Variants in KLHL1 observed in about 807,000 individuals in gnomAD.
KLHL1 encodes the protein kelch-like protein 1.
In KLHL1, 47 loss-of-function variants were observed where a neutral mutation model predicts 77.7. The observed-to-expected ratio is 0.60, with a 90% CI of 0.48 to 0.77. The LOEUF (loss-of-function observed/expected upper bound fraction) is 0.77. Among genes scored for constraint, KLHL1 ranks in the 30% least tolerant of loss-of-function variants. The probability of loss-of-function intolerance (pLI) is 0.00; values close to 1 mark genes in which losing one functional copy is unlikely to be tolerated. For synonymous variants in KLHL1, 360 were observed against 325.2 expected, an observed-to-expected ratio of 1.11 and a Z score of -1.15; for missense variants, 925 against 910.8, an observed-to-expected ratio of 1.02 and a Z score of -0.20.
intron 1 of KLHL1, among the ~76,000 whole-genome samples, chr13:70,026,775 A>G (rs767043362): frequency 6.6e-5 from 10 of 151,708 alleles, no homozygotes; most frequent in Non-Finnish European, 1.5e-4. Context: ...AGAGAGAGAT[A>G]ATGCAAATGA....
At chr13:70,067,273 T>G (rs977388803) in intron 1 of KLHL1, among the ~76,000 whole-genome samples, 5 of 152,266 alleles carry the variant, frequency 3.3e-5, no homozygotes, top group African/African-American at 1.2e-4. Context: ...TTATTGTATG[T>G]AATACATTGA....
At chr13:69,854,712 T>C (rs1396166874) in intron 5 of KLHL1, among the ~76,000 whole-genome samples, 1 of 152,120 alleles carries the variant, frequency 6.6e-6, no homozygotes, top group Non-Finnish European at 1.5e-5. Context: ...TTTCTGTTAC[T>C]AACAATTTTG....
At chr13:70,009,474 A>T (rs1417031895) in intron 1 of KLHL1, among the ~76,000 whole-genome samples, 4 of 152,158 alleles carry the variant, frequency 2.6e-5, no homozygotes, top group Non-Finnish European at 4.4e-5. Flanking sequence ...CTATGACTTT[A>T]AAAAGTGGGT....
At chr13:69,946,907 G>A (rs1883543585) in intron 3 of KLHL1, among the ~76,000 whole-genome samples, 1 of 149,542 alleles carries the variant, frequency 6.7e-6, no homozygotes, top group South Asian at 2.1e-4. Context: ...AAGTAATTGT[G>A]GGTTTTGTCA....
At position 69,835,391 on chromosome 13, in the gene KLHL1, C is replaced by CAG. The variant is rs550829107; in HGVS notation, c.1414+3583_1414+3584dup. ...AGCTGAAGGAACAGTGAGGTGAAAC[C>CAG]AGAGAGAGAGCTAAAGGAATACAAA... On this transcript the variant is annotated intron_variant, in intron 6 of 10. Coordinates refer to ENST00000377844, the MANE Select transcript of KLHL1 (RefSeq NM_020866.3). 1.3e-4 allele frequency among the ~76,000 whole-genome samples: 20 copies of CAG among 152,108 alleles called. No individual in the cohort carries two copies. The East Asian group carries it at 3.5e-3, about 26-fold the overall frequency.
intron 4 of KLHL1, among the ~76,000 whole-genome samples, chr13:69,924,016 G>A (rs1297010996): frequency 6.6e-6 from 1 of 152,220 alleles, no homozygotes; most frequent in Non-Finnish European, 1.5e-5. Flanking sequence ...CTAAGCCCGA[G>A]GGCTGTTGCA....
At chr13:69,877,709 C>T (rs375102616) in intron 5 of KLHL1, among the ~76,000 whole-genome samples, 1 of 151,914 alleles carries the variant, frequency 6.6e-6, no homozygotes, top group South Asian at 2.1e-4. Context: ...GAATTTGTTT[C>T]TGGATTAGTT....
intron 1 of KLHL1, among the ~76,000 whole-genome samples, chr13:70,083,144 T>A (rs1887436321): frequency 6.6e-6 from 1 of 152,098 alleles, no homozygotes; most frequent in East Asian, 1.9e-4. Context: ...TAGAGTTAAG[T>A]TCTTATATGA....
At chr13:69,958,997 G>A (rs1433648617) in intron 3 of KLHL1, among the ~76,000 whole-genome samples, 1 of 151,954 alleles carries the variant, frequency 6.6e-6, no homozygotes, top group Non-Finnish European at 1.5e-5. Context: ...CTTGCCTTAT[G>A]TCATGCCTGC....
chr13:69,914,728 A>G (rs1401685982), intron 4 of KLHL1, among the ~76,000 whole-genome samples: 1 of 152,204 alleles, frequency 6.6e-6, no homozygotes, highest in Non-Finnish European at 1.5e-5. Context: ...GAATTGTCAT[A>G]TATAAACAAT....
In KLHL1 at chr13:70,108,046, C is replaced by T. The variant is rs1191354793; in HGVS notation, c.-347G>A. On this transcript the variant is annotated 5_prime_UTR_variant, in exon 1 of 11. Coordinates refer to ENST00000377844, the MANE Select transcript of KLHL1 (RefSeq NM_020866.3). ...TGGGACAACCCTTAGGCTGGAGATG[C>T]GCGAGGGAGGGAGGTCTGAGCGCTC... 8 of 421,864 alleles carry T rather than the reference C, an allele frequency of 1.9e-5. No homozygotes were observed. The highest frequency in any genetic ancestry group is 3.3e-5 in the Non-Finnish European group (8 of 239,382). 26.1% of individuals were successfully genotyped at this position (421,864 alleles called of 1,614,324 possible).
At chr13:69,876,606 C>A (rs1880771901) in intron 5 of KLHL1, among the ~76,000 whole-genome samples, 1 of 152,140 alleles carries the variant, frequency 6.6e-6, no homozygotes, top group Admixed American at 6.5e-5. Flanking sequence ...TTTTCTTCTA[C>A]CTTTTGCTAC....
chr13:69,974,182 A>G (rs1274755701), intron 2 of KLHL1, among the ~76,000 whole-genome samples: 1 of 151,846 alleles, frequency 6.6e-6, no homozygotes, highest in African/African-American at 2.4e-5. Flanking sequence ...AGCCGTAATG[A>G]TTTTTAAAAA....
At chr13:69,769,231 G>A (rs78912125) in intron 7 of KLHL1, among the ~76,000 whole-genome samples, 3,509 of 152,188 alleles carry the variant, frequency 0.023, 131 homozygotes, top group African/African-American at 0.081. Flanking sequence ...CTCTAGGCAG[G>A]GACTAAAAGA....
chr13:69,784,404 G>C (rs1019914405), intron 7 of KLHL1, among the ~76,000 whole-genome samples: 8 of 152,180 alleles, frequency 5.3e-5, no homozygotes, highest in African/African-American at 7.2e-5. Context: ...TGGATAAAGA[G>C]TCAAGACCTA....
intron 7 of KLHL1, among the ~76,000 whole-genome samples, chr13:69,770,642 A>T (rs78554593): frequency 0.024 from 3,622 of 152,320 alleles, 139 homozygotes; most frequent in African/African-American, 0.083. Flanking sequence ...CTAAGACATT[A>T]ATCTTTCTAT....
At chr13:69,830,054 G>T (rs938566422) in intron 6 of KLHL1, among the ~76,000 whole-genome samples, 2 of 149,420 alleles carry the variant, frequency 1.3e-5, no homozygotes, top group Non-Finnish European at 3.0e-5. Flanking sequence ...GAAAAAAAAA[G>T]AAGGTATTCA....
intron 1 of KLHL1, among the ~76,000 whole-genome samples, chr13:69,994,052 A>G (rs145240106): frequency 1.1e-3 from 162 of 148,656 alleles, no homozygotes; most frequent in African/African-American, 3.7e-3. Flanking sequence ...GAATGTACAA[A>G]GGACTAATGA....
At chr13:69,836,950 C>A (rs1424507409) in intron 6 of KLHL1, among the ~76,000 whole-genome samples, 1 of 151,730 alleles carries the variant, frequency 6.6e-6, no homozygotes, top group Non-Finnish European at 1.5e-5. Context: ...ACAAAAATTT[C>A]AATTTCACTA....
Sources: allele counts gnomAD v4.1 joint callset (sites outside exome capture counted in the v4.1 genomes callset), GRCh38; gene constraint gnomAD v4.1.1; transcripts MANE v1.5; gene names NCBI Gene and HGNC (gene_info 2026-07-23, HGNC 2026-07-21).